MCPH1: variants seen among roughly 807,000 people sequenced by gnomAD.
MCPH1 encodes microcephalin 1.
A neutral mutation model predicts 84.5 loss-of-function variants in MCPH1; 104 were observed. That is an observed-to-expected ratio of 1.23 (90% CI 1.05 to 1.45). The LOEUF (loss-of-function observed/expected upper bound fraction) is 1.45, where lower values mean the gene tolerates loss of function less well. Ranked by LOEUF, MCPH1 falls within the 40% of genes most tolerant of loss-of-function variation. The pLI, the probability that MCPH1 is intolerant of heterozygous loss-of-function variation, is 0.00. For synonymous variants in MCPH1, 514 were observed against 366.8 expected (o/e 1.40, Z -4.58); for missense variants, 1,498 against 1,005.7 (o/e 1.49, Z -6.62).
At chr8:6,598,042 C>T (rs1456795382) in intron 12 of MCPH1, among the ~76,000 whole-genome samples, 2 of 152,198 alleles carry the variant, frequency 1.3e-5, no homozygotes, top group Admixed American at 6.5e-5. Context: ...CAGCCAACAT[C>T]AGCTCAGCGG....
In MCPH1 at chr8:6,529,720, C is replaced by G. The variant is rs148749396; in HGVS notation, c.2214+29791C>G. On this transcript the variant is annotated intron_variant, in intron 12 of 13. Transcript: ENST00000344683. The stretch of plus-strand genomic sequence containing the variant: ...TCTCAAGCGATCCACCCACCTCGGC[C>G]TCTCAAAGTGCTAGGATTATAGATC... Among the ~76,000 whole-genome samples the G allele has an allele frequency of 2.1e-3, 321 of 151,254 alleles. 2 individuals are homozygous for G. The highest frequency in any genetic ancestry group is 7.2e-3 in the African/African-American group (295 of 41,166).
intron 12 of MCPH1, chr8:6,500,516 A>T (rs907361547): frequency 6.5e-6 from 1 of 154,096 alleles, no homozygotes; most frequent in African/African-American, 2.4e-5. Context: ...CAAAAGATTA[A>T]TAGCTGAAAG....
At chr8:6,558,804 A>G (rs1825059157) in intron 12 of MCPH1, among the ~76,000 whole-genome samples, 1 of 152,196 alleles carries the variant, frequency 6.6e-6, no homozygotes, top group Admixed American at 6.5e-5. Flanking sequence ...TTGACCATAG[A>G]AAACATATGA....
intron 12 of MCPH1, among the ~76,000 whole-genome samples, chr8:6,566,890 CGGTG>C (rs1826213361): frequency 1.4e-5 from 2 of 141,620 alleles, no homozygotes; most frequent in African/African-American, 2.7e-5. Context: ...ACACGCGGTG[CGGTG>C]ACCATGTGTG....
At chr8:6,487,228 T>C (rs1810044239) in intron 11 of MCPH1, among the ~76,000 whole-genome samples, 1 of 152,232 alleles carries the variant, frequency 6.6e-6, no homozygotes, top group African/African-American at 2.4e-5. Flanking sequence ...ACAGATAATC[T>C]AGTGTTTTCT....
At chr8:6,502,998 C>T in intron 12 of MCPH1, 2 of 1,402,196 alleles carry the variant, frequency 1.4e-6, no homozygotes, top group South Asian at 2.6e-5. Context: ...AGCACACGCC[C>T]TCTGTGGTGG....
In MCPH1 at chr8:6,444,794, A is replaced by G. The variant is rs1232487805; in HGVS notation, c.1072A>G (p.Arg358Gly). Reference sequence around the variant, plus strand: ...CAGGAGTTCCTCAGTAAAGAGAAAAAGAGTATCACATGGCTCCCATTCACC... The same window carrying G: ...CAGGAGTTCCTCAGTAAAGAGAAAAGGAGTATCACATGGCTCCCATTCACC... Reference protein sequence around the residue: ...RPRSSSVKRKRVSHGSHSPPK... With the variant: ...RPRSSSVKRKGVSHGSHSPPK... Residue 358 changes from arginine (R) to glycine (G), a missense_variant, in exon 8 of 14, where the codon AGA becomes GGA. Physicochemically the swap from Arg to Gly is moderately radical, Grantham distance 125. Transcript: ENST00000344683. 2 of 1,614,100 alleles carry G rather than the reference A, an allele frequency of 1.2e-6. No homozygotes were observed. Among genetic ancestry groups the G allele is most frequent in the South Asian group, 2.2e-5 (2 of 91,082 alleles).
chr8:6,426,355 C>A (rs1029434413), intron 3 of MCPH1, among the ~76,000 whole-genome samples: 1 of 152,216 alleles, frequency 6.6e-6, no homozygotes, highest in Non-Finnish European at 1.5e-5. Context: ...CCTGCCCCCT[C>A]CTCCCACCCC....
intron 9 of MCPH1, among the ~76,000 whole-genome samples, chr8:6,456,723 A>G (rs533769320): frequency 6.6e-6 from 1 of 150,736 alleles, no homozygotes; most frequent in Admixed American, 6.6e-5. Flanking sequence ...CCATAAAAAT[A>G]CTCCGTCCTG....
At chr8:6,510,665 G>A (rs1001668261) in intron 12 of MCPH1, among the ~76,000 whole-genome samples, 1 of 152,164 alleles carries the variant, frequency 6.6e-6, no homozygotes, top group Non-Finnish European at 1.5e-5. Context: ...AGTCATGGAG[G>A]TAGGATTTGC....
chr8:6,626,482 T>G (rs1213293751), intron 13 of MCPH1: 1 of 983,616 alleles, frequency 1.0e-6, no homozygotes, highest in African/African-American at 1.8e-5. Context: ...TTGTTTTTTT[T>G]TTTTTTTTTG....
In MCPH1 at chr8:6,621,210, A is replaced by G. The variant is rs577868781; in HGVS notation, c.2215-244A>G. On this transcript the variant is annotated intron_variant, in intron 12 of 13. Transcript: ENST00000344683. ...GCTTTGGAATAATTCAAAGGCCTACACTTTTTTTTTTCTAATTTGTTTCCT... is the reference window on the plus strand; with the variant it reads ...GCTTTGGAATAATTCAAAGGCCTACGCTTTTTTTTTTCTAATTTGTTTCCT... 174 of 559,492 alleles carry G rather than the reference A, an allele frequency of 3.1e-4. 1 individual carries two copies. Among genetic ancestry groups the G allele is most frequent in the Non-Finnish European group, 4.1e-4 (130 of 316,040 alleles). The allele number at this position is 559,492 out of a possible 1,614,324, so 34.7% of individuals were successfully genotyped here.
intron 9 of MCPH1, among the ~76,000 whole-genome samples, chr8:6,463,060 G>A (rs1806459949): frequency 6.6e-6 from 1 of 152,202 alleles, no homozygotes; most frequent in African/African-American, 2.4e-5. Flanking sequence ...GCATGCCAGA[G>A]CCAAAATAGA....
chr8:6,563,070 CCT>C, intron 12 of MCPH1: 2 of 952,682 alleles, frequency 2.1e-6, no homozygotes, highest in East Asian at 5.3e-5. Context: ...TCTTCTCTTT[CCT>C]CTTTTTCCAG....
intron 12 of MCPH1, chr8:6,514,884 G>A: frequency 1.1e-6 from 1 of 884,194 alleles, no homozygotes; most frequent in Non-Finnish European, 1.8e-6. Context: ...CAGCCGAGAG[G>A]GTTCTCTGGG....
At chr8:6,552,827 T>TTTA (rs1554449214) in intron 12 of MCPH1, among the ~76,000 whole-genome samples, 1 of 151,792 alleles carries the variant, frequency 6.6e-6, no homozygotes, top group African/African-American at 2.4e-5. Context: ...TTTTTTTTTT[T>TTTA]AACTCACTCA....
intron 12 of MCPH1, among the ~76,000 whole-genome samples, chr8:6,546,292 A>G (rs1366996867): frequency 6.6e-6 from 1 of 152,240 alleles, no homozygotes; most frequent in Non-Finnish European, 1.5e-5. Flanking sequence ...ACTGTCAGCC[A>G]CTGGAAGAAT....
Position 6,643,263 on chromosome 8 carries a change from T to A in MCPH1, c.*214T>A. 1 of 592,046 alleles carries A rather than the reference T, an allele frequency of 1.7e-6. No homozygotes were observed. Among genetic ancestry groups the A allele is most frequent in the Non-Finnish European group, 3.0e-6 (1 of 335,878 alleles). The allele number at this position is 592,046 out of a possible 1,614,324, so 36.7% of individuals were successfully genotyped here. A position where few individuals can be genotyped will look rare whatever the true frequency, so the allele number is the denominator to read the frequency against. On this transcript the variant is annotated 3_prime_UTR_variant, in exon 14 of 14. Coordinates refer to ENST00000344683, the MANE Select transcript of MCPH1 (RefSeq NM_024596.5). The stretch of plus-strand genomic sequence containing the variant: ...GAGACGCTTCGGGCCTTTTTATTTT[T>A]ATTTTATTTTTTATTTTTTGAGACG...
At chr8:6,442,947 C>G (rs557352875) in intron 7 of MCPH1, among the ~76,000 whole-genome samples, 1 of 152,330 alleles carries the variant, frequency 6.6e-6, no homozygotes, top group African/African-American at 2.4e-5. Flanking sequence ...GAATTATTTA[C>G]CCATTTCTCT....
Sources: allele counts gnomAD v4.1 joint callset (sites outside exome capture counted in the v4.1 genomes callset), GRCh38; gene constraint gnomAD v4.1.1; transcripts MANE v1.5; gene names NCBI Gene and HGNC (gene_info 2026-07-23, HGNC 2026-07-21).